LIMK2: variants seen among roughly 807,000 people sequenced by gnomAD.
The protein encoded by LIMK2 is LIM domain kinase 2.
A neutral mutation model predicts 75.7 loss-of-function variants in LIMK2; 35 were observed. That is an observed-to-expected ratio of 0.46 (90% CI 0.35 to 0.61). The LOEUF is 0.61. LIMK2 is among the 20% of genes least tolerant of loss of function. The probability of loss-of-function intolerance (pLI) is 0.00; values close to 1 mark genes in which losing one functional copy is unlikely to be tolerated. For synonymous variants in LIMK2, 301 were observed against 319.2 expected, an observed-to-expected ratio of 0.94 and a Z score of 0.61; for missense variants, 623 against 831.0, an observed-to-expected ratio of 0.75 and a Z score of 3.08.
rs772105433 is a variant in LIMK2 at position 31,262,391 on chromosome 22, C to G, written c.657+152C>G. ...CCACTGGTGACCTATTTCAGCGTAACAGGTTCCCAGGGTAGCAGGGATGGT... is the reference window on the plus strand; with the variant it reads ...CCACTGGTGACCTATTTCAGCGTAAGAGGTTCCCAGGGTAGCAGGGATGGT... On this transcript the variant is annotated intron_variant, in intron 6 of 15. Transcript: ENST00000331728. This position sits in a 1 kb window ranked among gnomAD's most constrained non-coding sequence, Gnocchi z 5.0. 2 of 809,266 alleles carry G rather than the reference C, an allele frequency of 2.5e-6. No homozygotes were observed. Among genetic ancestry groups the G allele is most frequent in the Non-Finnish European group, 4.1e-6 (2 of 493,284 alleles). 50.1% of individuals were successfully genotyped at this position (809,266 alleles called of 1,614,324 possible). A position where few individuals can be genotyped will look rare whatever the true frequency, so the allele number is the denominator to read the frequency against.
rs2048855647 is a variant in LIMK2, at chr22:31,262,902, A to T, written c.854+111A>T. ...GGAAAGGAACCAGCTGGCCAGGGAC[A>T]GACTATGAGGATTGTGCTGACCCAG... On this transcript the variant is annotated intron_variant, in intron 7 of 15. Coordinates refer to ENST00000331728, the MANE Select transcript of LIMK2 (RefSeq NM_005569.4). This position sits in a 1 kb window ranked among gnomAD's most constrained non-coding sequence, Gnocchi z 5.0. 9.8e-7 allele frequency: 1 copy of T among 1,023,846 alleles called. No individual in the cohort carries two copies. The allele number at this position is 1,023,846 out of a possible 1,614,324, so 63.4% of individuals were successfully genotyped here. A position where few individuals can be genotyped will look rare whatever the true frequency, so the allele number is the denominator to read the frequency against.
At chr22:31,226,879 G>A (rs556644970) in intron 2 of LIMK2, among the ~76,000 whole-genome samples, 1 of 152,264 alleles carries the variant, frequency 6.6e-6, no homozygotes, top group South Asian at 2.1e-4. Context: ...CAAAATGTTG[G>A]GATTACAGGC....
chr22:31,253,221 A>C (rs2048743322), intron 2 of LIMK2, among the ~76,000 whole-genome samples: 1 of 152,216 alleles, frequency 6.6e-6, no homozygotes, highest in African/African-American at 2.4e-5. Flanking sequence ...TTCAGACCTC[A>C]GCTTTACCAC....
intron 15 of LIMK2, chr22:31,277,225 T>C: frequency 5.7e-6 from 9 of 1,592,260 alleles, no homozygotes; most frequent in Non-Finnish European, 7.7e-6. Flanking sequence ...CGGGGGACCC[T>C]GCGGCCAGGC....
intron 2 of LIMK2, among the ~76,000 whole-genome samples, chr22:31,239,240 T>C (rs1317741152): frequency 6.6e-6 from 1 of 152,252 alleles, no homozygotes; most frequent in Non-Finnish European, 1.5e-5. Context: ...TCTTTGGCAT[T>C]TCAGCTTTGC....
At chr22:31,240,983 C>G (rs1050937927) in intron 2 of LIMK2, among the ~76,000 whole-genome samples, 2 of 152,186 alleles carry the variant, frequency 1.3e-5, no homozygotes, top group African/African-American at 2.4e-5. Context: ...CTGCCTGCCT[C>G]TGAGGGTTAT....
In LIMK2 at chr22:31,257,040, A is replaced by ATTTTTTTTTTTTTTTTTTTTTTTTTT. The variant is rs529919320; in HGVS notation, c.117-1242_117-1217dup. On this transcript the variant is annotated intron_variant, in intron 2 of 15. Coordinates refer to ENST00000331728, the MANE Select transcript of LIMK2 (RefSeq NM_005569.4). ...TCATTAGGGGAGAAGGGAGCTATAG[A>ATTTTTTTTTTTTTTTTTTTTTTTTTT]TTTTTTTTTTTTTTTTTTTTTTTTT... is the stretch of plus-strand genomic sequence containing the variant. Among the ~76,000 whole-genome samples, 9 of 75,078 alleles carry ATTTTTTTTTTTTTTTTTTTTTTTTTT rather than the reference A, an allele frequency of 1.2e-4. 1 individual carries two copies. Among genetic ancestry groups the ATTTTTTTTTTTTTTTTTTTTTTTTTT allele is most frequent in the Non-Finnish European group, 1.8e-4 (6 of 33,848 alleles). The allele number at this position is 75,078 out of a possible 152,430, so 49.3% of individuals were successfully genotyped here. A position where few individuals can be genotyped will look rare whatever the true frequency, so the allele number is the denominator to read the frequency against.
At chr22:31,269,064 T>TTG (rs1555887947) in intron 11 of LIMK2, among the ~76,000 whole-genome samples, 2 of 132,658 alleles carry the variant, frequency 1.5e-5, no homozygotes, top group African/African-American at 2.8e-5. Context: ...GTTTTTTTGT[T>TTG]TTTTTTTCCT....
intron 12 of LIMK2, among the ~76,000 whole-genome samples, chr22:31,271,493 T>C (rs1242897724): frequency 6.6e-6 from 1 of 152,220 alleles, no homozygotes; most frequent in Non-Finnish European, 1.5e-5. Flanking sequence ...TACCTGCTTT[T>C]GCCCCATAGT....
chr22:31,255,240 C>A (rs1330295156), intron 2 of LIMK2, among the ~76,000 whole-genome samples: 1 of 152,162 alleles, frequency 6.6e-6, no homozygotes, highest in East Asian at 1.9e-4. Context: ...AGAACTTGAA[C>A]CCATATCTCT....
At chr22:31,261,656 TACTC>T (rs1235710622) in intron 5 of LIMK2, among the ~76,000 whole-genome samples, 2 of 152,050 alleles carry the variant, frequency 1.3e-5, no homozygotes, top group East Asian at 1.9e-4. Context: ...TAATCCCAGT[TACTC>T]AGGAGGCTGA....
intron 5 of LIMK2, among the ~76,000 whole-genome samples, chr22:31,261,736 C>G (rs2048841700): frequency 6.6e-6 from 1 of 151,986 alleles, no homozygotes. Flanking sequence ...CCACTGCACT[C>G]CAGCCTGGAT....
At chr22:31,212,518 G>A (rs1312123308) in intron 1 of LIMK2, 94 bp downstream of exon 1, 1 of 1,238,462 alleles carries the variant, frequency 8.1e-7, no homozygotes, top group Admixed American at 3.2e-5. Context: ...GGGGGTTTCG[G>A]GCTGGTTGGG....
intron 2 of LIMK2, among the ~76,000 whole-genome samples, chr22:31,228,720 C>G (rs540244804): frequency 6.6e-6 from 1 of 152,212 alleles, no homozygotes; most frequent in South Asian, 2.1e-4. Context: ...ATCGCTTGAG[C>G]CCATGAGCCC....
At chr22:31,273,600 G>C in intron 14 of LIMK2, 93 bp downstream of exon 14, 2 of 981,514 alleles carry the variant, frequency 2.0e-6, no homozygotes, top group Non-Finnish European at 3.3e-6. Context: ...GGGATGACTA[G>C]CTTGACTAAA....
intron 15 of LIMK2, among the ~76,000 whole-genome samples, chr22:31,276,279 T>TA (rs1262438075): frequency 6.6e-6 from 1 of 152,152 alleles, no homozygotes; most frequent in African/African-American, 2.4e-5. Context: ...ATGTTTCTTT[T>TA]AAAAACAAGT....
At chr22:31,266,602 G>A (rs1016077862) in intron 8 of LIMK2, among the ~76,000 whole-genome samples, 8 of 152,060 alleles carry the variant, frequency 5.3e-5, no homozygotes, top group Admixed American at 2.0e-4. Flanking sequence ...GCTCACCCCC[G>A]ATCCACCCAG....
chr22:31,237,969 G>A (rs1225279481), intron 2 of LIMK2, among the ~76,000 whole-genome samples: 2 of 150,544 alleles, frequency 1.3e-5, no homozygotes, highest in African/African-American at 2.4e-5. Flanking sequence ...ACAAAAATTA[G>A]CCAGGCATGA....
chr22:31,229,222 C>T (rs959627584), intron 2 of LIMK2, among the ~76,000 whole-genome samples: 4 of 152,190 alleles, frequency 2.6e-5, no homozygotes, highest in South Asian at 2.1e-4. Context: ...TCCAGCTGTG[C>T]TGAAGGAGCA....
Sources: allele counts gnomAD v4.1 joint callset (sites outside exome capture counted in the v4.1 genomes callset), GRCh38; gene constraint gnomAD v4.1.1; non-coding constraint Gnocchi (gnomAD v3.1); transcripts MANE v1.5; gene names NCBI Gene and HGNC (gene_info 2026-07-23, HGNC 2026-07-21).